DENND5A: variants seen among roughly 807,000 people sequenced by gnomAD.
DENND5A encodes DENN domain-containing protein 5A.
A neutral mutation model predicts 140.3 loss-of-function variants in DENND5A; 64 were observed. The observed-to-expected ratio is 0.46, with a 90% CI of 0.37 to 0.56. The LOEUF (loss-of-function observed/expected upper bound fraction) is 0.56. Among genes scored for constraint, DENND5A ranks in the 20% least tolerant of loss-of-function variants. DENND5A has a pLI of 0.00. For synonymous variants in DENND5A, 605 were observed against 607.7 expected (o/e 1.00, Z 0.07); for missense variants, 1,292 against 1,593.8 (o/e 0.81, Z 3.22).
chr11:9,265,081 C>G lies in DENND5A; in HGVS notation c.-12G>C. 1 of 1,503,370 alleles carries G rather than the reference C, an allele frequency of 6.7e-7. No homozygotes were observed. Among genetic ancestry groups the G allele is most frequent in the Non-Finnish European group, 8.9e-7 (1 of 1,125,096 alleles). The allele number at this position is 1,503,370 out of a possible 1,614,324, so 93.1% of individuals were successfully genotyped here. A position where few individuals can be genotyped will look rare whatever the true frequency, so the allele number is the denominator to read the frequency against. The stretch of plus-strand genomic sequence containing the variant: ...CCGCCGCCACTCATGGCGCCGGGGC[C>G]GAGACCGGCCGGGCAGTGCGGAGCG... On this transcript the variant is annotated 5_prime_UTR_variant, in exon 1 of 23. Transcript: ENST00000328194. The surrounding 1 kb of genome is among the most constrained non-coding windows in gnomAD (Gnocchi z 4.7).
chr11:9,148,713 A>G (rs1847512038), intron 15 of DENND5A, among the ~76,000 whole-genome samples: 1 of 152,212 alleles, frequency 6.6e-6, no homozygotes, highest in South Asian at 2.1e-4. Flanking sequence ...ATCTGAGAGT[A>G]AAGTAGTTAT....
intron 1 of DENND5A, among the ~76,000 whole-genome samples, chr11:9,255,503 A>C (rs1186913243): frequency 1.3e-5 from 2 of 152,080 alleles, no homozygotes; most frequent in Non-Finnish European, 2.9e-5. Flanking sequence ...AGGTCGAGGC[A>C]GGTGAATGAC....
intron 1 of DENND5A, among the ~76,000 whole-genome samples, chr11:9,261,109 C>T (rs1852177234): frequency 1.3e-5 from 2 of 152,152 alleles, no homozygotes; most frequent in South Asian, 4.1e-4. Context: ...CCTCAGCCTC[C>T]CAAAGTACTG....
chr11:9,213,793 C>T (rs1366872712), intron 1 of DENND5A, among the ~76,000 whole-genome samples: 4 of 120,238 alleles, frequency 3.3e-5, no homozygotes, highest in South Asian at 2.6e-4. Context: ...GGTGGCTGAG[C>T]GAGACTCCGT....
chr11:9,160,899 A>G (rs1485898328), intron 11 of DENND5A, 34 bp from the exon 12 acceptor site: 1 of 1,608,430 alleles, frequency 6.2e-7, no homozygotes, highest in Non-Finnish European at 8.5e-7. Context: ...TTAAATAACC[A>G]CAGTGAGCAG....
intron 3 of DENND5A, among the ~76,000 whole-genome samples, chr11:9,206,132 T>C (rs530223121): frequency 6.6e-6 from 1 of 152,358 alleles, no homozygotes; most frequent in African/African-American, 2.4e-5. Context: ...TTAATTCATA[T>C]AAAATGCTTA....
At chr11:9,167,847 G>C (rs1366301809) in intron 10 of DENND5A, among the ~76,000 whole-genome samples, 6 of 152,056 alleles carry the variant, frequency 3.9e-5, no homozygotes, top group Non-Finnish European at 8.8e-5. Context: ...ATTCTCTAAG[G>C]CTTAAAGAGA....
intron 1 of DENND5A, among the ~76,000 whole-genome samples, chr11:9,212,266 G>C (rs1418297358): frequency 6.6e-6 from 1 of 152,112 alleles, no homozygotes; most frequent in Non-Finnish European, 1.5e-5. Context: ...CAGCAGGAGA[G>C]AGGACCTCAG....
intron 4 of DENND5A, among the ~76,000 whole-genome samples, chr11:9,193,961 G>C (rs1849229986): frequency 6.6e-6 from 1 of 152,148 alleles, no homozygotes; most frequent in Non-Finnish European, 1.5e-5. Context: ...ATGACATCTT[G>C]CTCCAAATAC....
intron 1 of DENND5A, among the ~76,000 whole-genome samples, chr11:9,244,882 G>C (rs957744384): frequency 2.6e-5 from 4 of 151,504 alleles, no homozygotes; most frequent in African/African-American, 9.7e-5. Flanking sequence ...TCGCCGTGTT[G>C]CCGGGGCTGG....
chr11:9,236,086 T>C (rs1192801830), intron 1 of DENND5A, among the ~76,000 whole-genome samples: 1 of 151,184 alleles, frequency 6.6e-6, no homozygotes, highest in Non-Finnish European at 1.5e-5. Flanking sequence ...ACAAAAAATT[T>C]AAAAATTAGC....
Position 9,178,266 on chromosome 11 carries a change from C to T in DENND5A, c.1772G>A (p.Cys591Tyr). 6.2e-7 allele frequency: 1 copy of T among 1,613,818 alleles called. No homozygotes were observed. Among genetic ancestry groups the T allele is most frequent in the Non-Finnish European group, 8.5e-7 (1 of 1,179,764 alleles). Residue 591 changes from cysteine to tyrosine, a missense_variant, in exon 8 of 23, where the codon TGT (cysteine) becomes TAT (tyrosine). Transcript: ENST00000328194. ...FASFIDNKIM[C>Y]HDDDDKDPVL... ...AGGGTCTTTATCATCATCATCATGA[C>T]ACATTATTTTGTTGTCAATGAAAGA... is the stretch of plus-strand genomic sequence containing the variant.
At chr11:9,149,335 G>A (rs572195997) in intron 15 of DENND5A, among the ~76,000 whole-genome samples, 7 of 152,290 alleles carry the variant, frequency 4.6e-5, no homozygotes, top group African/African-American at 9.6e-5. Flanking sequence ...CCTTTTATGT[G>A]GGCTGGCTGA....
chr11:9,198,341 G>A (rs1405266251), intron 4 of DENND5A, among the ~76,000 whole-genome samples: 4 of 151,466 alleles, frequency 2.6e-5, no homozygotes, highest in East Asian at 3.9e-4. Context: ...AGGGCTGGGC[G>A]CAGTGGCTCA....
intron 1 of DENND5A, among the ~76,000 whole-genome samples, chr11:9,256,613 T>C (rs1284970222): frequency 1.3e-5 from 2 of 152,186 alleles, no homozygotes; most frequent in African/African-American, 2.4e-5. Context: ...GAAAACATTA[T>C]GCTAAGTGAA....
At chr11:9,224,192 C>T (rs1850439542) in intron 1 of DENND5A, among the ~76,000 whole-genome samples, 1 of 152,036 alleles carries the variant, frequency 6.6e-6, no homozygotes, top group African/African-American at 2.4e-5. Flanking sequence ...GACTCCATCT[C>T]AAAAAATAAA....
At chr11:9,200,807 T>C (rs1564911751) in intron 4 of DENND5A, among the ~76,000 whole-genome samples, 1 of 152,224 alleles carries the variant, frequency 6.6e-6, no homozygotes, top group Non-Finnish European at 1.5e-5. Flanking sequence ...CTTTCTTCCA[T>C]TCTCCCTTTG....
At chr11:9,259,336 A>C (rs976422245) in intron 1 of DENND5A, among the ~76,000 whole-genome samples, 1 of 151,786 alleles carries the variant, frequency 6.6e-6, no homozygotes, top group African/African-American at 2.4e-5. Flanking sequence ...ACGCAGGCGG[A>C]TCACAAGGTC....
chr11:9,238,330 G>A (rs2136267750), intron 1 of DENND5A, among the ~76,000 whole-genome samples: 1 of 147,696 alleles, frequency 6.8e-6, no homozygotes, highest in South Asian at 2.2e-4. Flanking sequence ...GAACTGATCT[G>A]GGTGATGATT....
Sources: allele counts gnomAD v4.1 joint callset (sites outside exome capture counted in the v4.1 genomes callset), GRCh38; gene constraint gnomAD v4.1.1; non-coding constraint Gnocchi (gnomAD v3.1); transcripts MANE v1.5; gene names NCBI Gene and HGNC (gene_info 2026-07-23, HGNC 2026-07-21).